KLF12: variants seen among roughly 807,000 people sequenced by gnomAD.
KLF12 encodes Krueppel-like factor 12.
A neutral mutation model predicts 37.8 loss-of-function variants in KLF12; 9 were observed. The observed-to-expected ratio is 0.24, with a 90% CI of 0.14 to 0.42. The LOEUF (loss-of-function observed/expected upper bound fraction) is 0.42, where lower values mean the gene tolerates loss of function less well. Among genes scored for constraint, KLF12 ranks in the 10% least tolerant of loss-of-function variants. KLF12 has a pLI of 1.00. For synonymous variants in KLF12, 208 were observed against 202.1 expected (o/e 1.03, Z -0.25); for missense variants, 411 against 516.0 (o/e 0.80, Z 1.97).
chr13:74,052,003 TG>T (rs1476629165), intron 1 of KLF12, among the ~76,000 whole-genome samples: 1 of 151,828 alleles, frequency 6.6e-6, no homozygotes, highest in African/African-American at 2.4e-5. Context: ...CCCACAAATA[TG>T]TACAATTATT....
intron 1 of KLF12, among the ~76,000 whole-genome samples, chr13:74,027,295 T>C (rs1241043886): frequency 3.9e-5 from 6 of 152,166 alleles, no homozygotes; most frequent in Admixed American, 3.9e-4. Flanking sequence ...ACTGTCTTCT[T>C]TTCTCTGTAG....
chr13:73,758,670 G>T (rs1679223567), intron 6 of KLF12, among the ~76,000 whole-genome samples: 1 of 151,992 alleles, frequency 6.6e-6, no homozygotes, highest in African/African-American at 2.4e-5. Context: ...CTCAGAAGTG[G>T]TTACCTTTAT....
chr13:73,932,717 T>C (rs972638758), intron 3 of KLF12, among the ~76,000 whole-genome samples: 6 of 152,178 alleles, frequency 3.9e-5, no homozygotes, highest in African/African-American at 1.4e-4. Context: ...ATATCTTATG[T>C]AGTAAAATAT....
chr13:73,729,738 A>G (rs1034374708), intron 6 of KLF12, among the ~76,000 whole-genome samples: 5 of 152,236 alleles, frequency 3.3e-5, no homozygotes, highest in African/African-American at 4.8e-5. Context: ...GATTAGTAGC[A>G]GTCAGCTGTG....
intron 7 of KLF12, among the ~76,000 whole-genome samples, chr13:73,702,825 G>A (rs940755391): frequency 1.3e-5 from 2 of 152,146 alleles, no homozygotes; most frequent in African/African-American, 4.8e-5. Flanking sequence ...TCTGGTTTCT[G>A]TTACATTAGT....
At chr13:74,126,276 A>G (rs1037736625) in intron 1 of KLF12, among the ~76,000 whole-genome samples, 24 of 152,352 alleles carry the variant, frequency 1.6e-4, no homozygotes, top group Non-Finnish European at 2.8e-4. Flanking sequence ...TAATAATTGT[A>G]TGAGATTTTG....
intron 2 of KLF12, among the ~76,000 whole-genome samples, chr13:73,974,242 T>G (rs1891436882): frequency 6.6e-6 from 1 of 150,850 alleles, no homozygotes; most frequent in African/African-American, 2.5e-5. Flanking sequence ...TAACAGACAG[T>G]GTTCCAGGAA....
In KLF12 at chr13:73,689,150, G is replaced by A. The variant is rs1873672941; in HGVS notation, c.*6340C>T. On this transcript the variant is annotated 3_prime_UTR_variant, in exon 8 of 8. Transcript: ENST00000377669. ...TTTTTCAGACAACACATGGTAAGAA[G>A]CCCAGTCAGAAGACTTGACTTCAGT... 1 of 152,094 alleles carries A rather than the reference G, an allele frequency of 6.6e-6. No individual in the cohort carries two copies. Among genetic ancestry groups the A allele is most frequent in the Non-Finnish European group, 1.5e-5 (1 of 68,012 alleles). The allele number at this position is 152,094 out of a possible 1,614,324, so 9.4% of individuals were successfully genotyped here.
chr13:74,018,917 T>A (rs369341098), intron 1 of KLF12, among the ~76,000 whole-genome samples: 48 of 152,328 alleles, frequency 3.2e-4, no homozygotes, highest in African/African-American at 1.1e-3. Context: ...CAAGGCCTAT[T>A]ACACTGAAAA....
At chr13:74,281,098 C>T in the KLF12 span, among the ~76,000 whole-genome samples, 5 of 152,012 alleles carry the variant, frequency 3.3e-5, no homozygotes, top group African/African-American at 1.2e-4. Flanking sequence ...TTTTTCTGCA[C>T]ATTTTTCTTT....
intron 6 of KLF12, among the ~76,000 whole-genome samples, chr13:73,718,964 A>C (rs1160307851): frequency 6.6e-6 from 1 of 152,204 alleles, no homozygotes; most frequent in East Asian, 1.9e-4. Context: ...GTACAATAAA[A>C]ATAATTTTTT....
intron 3 of KLF12, among the ~76,000 whole-genome samples, chr13:73,856,563 T>C (rs1885620150): frequency 6.6e-6 from 1 of 152,074 alleles, no homozygotes; most frequent in Non-Finnish European, 1.5e-5. Context: ...CCCACCTACT[T>C]GCACAGTCAC....
At chr13:74,131,964 A>T (rs1036949949) in intron 1 of KLF12, among the ~76,000 whole-genome samples, 2 of 152,068 alleles carry the variant, frequency 1.3e-5, no homozygotes, top group African/African-American at 2.4e-5. Context: ...CCCAACTGAA[A>T]CGTCTGTCCT....
At chr13:73,851,588 T>C (rs987851095) in intron 3 of KLF12, among the ~76,000 whole-genome samples, 1 of 152,206 alleles carries the variant, frequency 6.6e-6, no homozygotes, top group Non-Finnish European at 1.5e-5. Flanking sequence ...ATTATGACAA[T>C]AATATAACAA....
chr13:74,028,121 G>A (rs1893024523), intron 1 of KLF12, among the ~76,000 whole-genome samples: 1 of 152,128 alleles, frequency 6.6e-6, no homozygotes, highest in African/African-American at 2.4e-5. Flanking sequence ...TCCTTTGAAA[G>A]GCACTTTCCT....
intron 5 of KLF12, among the ~76,000 whole-genome samples, chr13:73,779,059 C>T (rs1265320391): frequency 6.6e-6 from 1 of 152,166 alleles, no homozygotes; most frequent in Non-Finnish European, 1.5e-5. Context: ...ATATAATATA[C>T]ATATTAGTCT....
intron 1 of KLF12, among the ~76,000 whole-genome samples, chr13:74,097,697 C>CACATAT (rs149288332): frequency 6.7e-6 from 1 of 150,030 alleles, no homozygotes; most frequent in Non-Finnish European, 1.5e-5. Context: ...ATTTTATATA[C>CACATAT]ATATATATAT....
At chr13:73,788,952 T>C (rs1881507594) in intron 5 of KLF12, among the ~76,000 whole-genome samples, 1 of 152,202 alleles carries the variant, frequency 6.6e-6, no homozygotes, top group Non-Finnish European at 1.5e-5. Flanking sequence ...AATTTCACAC[T>C]TTGTGTACAT....
At chr13:74,130,606 A>C (rs1334208362) in intron 1 of KLF12, among the ~76,000 whole-genome samples, 1 of 151,334 alleles carries the variant, frequency 6.6e-6, no homozygotes, top group African/African-American at 2.4e-5. Context: ...TGATGATGCC[A>C]CTGCAGTCCC....
Sources: allele counts gnomAD v4.1 joint callset (sites outside exome capture counted in the v4.1 genomes callset), GRCh38; gene constraint gnomAD v4.1.1; transcripts MANE v1.5; gene names NCBI Gene and HGNC (gene_info 2026-07-23, HGNC 2026-07-21).